The following ADAM12 variants were observed in gnomAD, a reference collection of about 807,000 sequenced individuals.
ADAM12 encodes ADAM metallopeptidase domain 12, also known as disintegrin and metalloproteinase domain-containing protein 12.
ADAM12 carries 70 observed loss-of-function variants against 106.4 expected under a neutral mutation model. That is an observed-to-expected ratio of 0.66 (90% CI 0.54 to 0.80). The LOEUF (loss-of-function observed/expected upper bound fraction) is 0.80. Ranked by LOEUF, ADAM12 falls within the 30% of genes least tolerant of loss-of-function variation. ADAM12 has a pLI of 0.00. For synonymous variants in ADAM12, 420 were observed against 433.5 expected (o/e 0.97, Z 0.39); for missense variants, 1,010 against 1,171.9 (o/e 0.86, Z 2.02).
At chr10:126,301,569 A>G (rs1235825802) in intron 2 of ADAM12, among the ~76,000 whole-genome samples, 1 of 152,166 alleles carries the variant, frequency 6.6e-6, no homozygotes. Flanking sequence ...CTAAATGAGG[A>G]ACATGGGGTA....
rs557852564 is a variant in ADAM12, at chr10:126,345,337, C to T, written c.89-14828G>A. 3.9e-5 allele frequency among the ~76,000 whole-genome samples: 6 copies of T among 152,144 alleles called. No individual in the cohort carries two copies. The South Asian group carries it at 6.2e-4, about 16-fold the overall frequency. On this transcript the variant is annotated intron_variant, in intron 1 of 22. Transcript: ENST00000448723. ...ATGCTGGATTACATTTATTGATTTG[C>T]GTATGTTGAACCAGCCTTGCATCCC...
intron 3 of ADAM12, among the ~76,000 whole-genome samples, chr10:126,233,623 G>A (rs537854075): frequency 5.3e-5 from 8 of 152,288 alleles, no homozygotes; most frequent in Admixed American, 5.2e-4. Context: ...GCAGGAGATA[G>A]GAGGATTGAG....
At chr10:126,336,015 T>C (rs1048334126) in intron 1 of ADAM12, among the ~76,000 whole-genome samples, 2 of 152,084 alleles carry the variant, frequency 1.3e-5, no homozygotes, top group Non-Finnish European at 2.9e-5. Flanking sequence ...AAGATGAACC[T>C]AAGGAGACAG....
chr10:126,093,198 C>G (rs1590398641), intron 11 of ADAM12, among the ~76,000 whole-genome samples: 1 of 152,296 alleles, frequency 6.6e-6, no homozygotes, highest in East Asian at 1.9e-4. Context: ...CTTCCCGTTA[C>G]TAATGAGAAT....
intron 1 of ADAM12, among the ~76,000 whole-genome samples, chr10:126,374,799 G>A: frequency 6.6e-6 from 1 of 152,156 alleles, no homozygotes; most frequent in East Asian, 1.9e-4. Flanking sequence ...AGAGATGCTT[G>A]CTACATTTTT....
intron 3 of ADAM12, among the ~76,000 whole-genome samples, chr10:126,185,256 A>G (rs1565123046): frequency 6.6e-6 from 1 of 152,232 alleles, no homozygotes; most frequent in South Asian, 2.1e-4. Flanking sequence ...TCTTTCAAAC[A>G]TATTTTCATT....
intron 3 of ADAM12, among the ~76,000 whole-genome samples, chr10:126,160,897 C>G (rs192981685): frequency 1.3e-5 from 2 of 152,204 alleles, no homozygotes; most frequent in African/African-American, 4.8e-5. Context: ...GGCCATTGCA[C>G]CTGCTGTGCC....
intron 2 of ADAM12, among the ~76,000 whole-genome samples, chr10:126,322,751 G>A (rs1220520423): frequency 3.6e-4 from 55 of 152,206 alleles, no homozygotes; most frequent in Non-Finnish European, 4.4e-5. Flanking sequence ...ACACAGCAAG[G>A]CAGAGGGAGT....
chr10:126,109,944 C>A (rs1311026306), intron 6 of ADAM12, 104 bp from the exon 7 acceptor site: 3 of 1,070,932 alleles, frequency 2.8e-6, no homozygotes, highest in Non-Finnish European at 4.0e-6. Flanking sequence ...TGTATATCCC[C>A]CATCCCCGCC....
rs146091569 is a variant in ADAM12 at position 126,309,433 on chromosome 10, G to A, written c.186+20979C>T. 3.8e-3 allele frequency among the ~76,000 whole-genome samples: 574 copies of A among 152,276 alleles called. 5 individuals carry two copies. The highest frequency in any genetic ancestry group is 6.7e-3 in the Non-Finnish European group (454 of 68,024). On this transcript the variant is annotated intron_variant, in intron 2 of 22. Transcript: ENST00000448723. ...AAAATGCCCCTGGACTTTGGGTATT[G>A]TAAACAGAAAACAAATTCCAATGTA...
At chr10:126,274,330 C>G (rs12764052) in intron 3 of ADAM12, among the ~76,000 whole-genome samples, 35,239 of 151,998 alleles carry the variant, frequency 0.23, 4,259 homozygotes, top group South Asian at 0.32. Flanking sequence ...AATGACCTCC[C>G]CTGCCTAGGA....
intron 3 of ADAM12, among the ~76,000 whole-genome samples, chr10:126,171,308 A>C (rs546268917): frequency 6.6e-6 from 1 of 152,298 alleles, no homozygotes; most frequent in Non-Finnish European, 1.5e-5. Flanking sequence ...ACACGACAAA[A>C]TATTACCCTG....
At chr10:126,190,061 A>G (rs1286861029) in intron 3 of ADAM12, among the ~76,000 whole-genome samples, 1 of 152,070 alleles carries the variant, frequency 6.6e-6, no homozygotes. Context: ...TGCAGCCTCG[A>G]TGGCAGGCAG....
chr10:126,238,499 TTTAA>T (rs902756938), intron 3 of ADAM12, among the ~76,000 whole-genome samples: 3 of 152,210 alleles, frequency 2.0e-5, no homozygotes, highest in Non-Finnish European at 2.9e-5. Flanking sequence ...ACAAACAAAA[TTTAA>T]TTAATTAATT....
chr10:126,387,682 T>C (rs572730947), intron 1 of ADAM12, among the ~76,000 whole-genome samples: 84 of 151,998 alleles, frequency 5.5e-4, no homozygotes, highest in African/African-American at 1.9e-3. Context: ...GGGGTGGGGA[T>C]ATTCACTGCG....
At chr10:126,143,169 T>C (rs1007566732) in intron 4 of ADAM12, among the ~76,000 whole-genome samples, 4 of 151,280 alleles carry the variant, frequency 2.6e-5, no homozygotes, top group African/African-American at 9.7e-5. Flanking sequence ...TGTATATATA[T>C]GTATGTGTGT....
At chr10:126,174,853 C>T (rs1018688888) in intron 3 of ADAM12, among the ~76,000 whole-genome samples, 17 of 151,398 alleles carry the variant, frequency 1.1e-4, no homozygotes, top group Admixed American at 7.2e-4. Flanking sequence ...TCCGGGTTCA[C>T]GCCATTCTCC....
chr10:126,257,644 C>T (rs11598454), intron 3 of ADAM12, among the ~76,000 whole-genome samples: 44,405 of 152,078 alleles, frequency 0.29, 6,771 homozygotes, highest in South Asian at 0.44. Flanking sequence ...AAATTTACAT[C>T]GCAGATAAAA....
At chr10:126,195,467 C>T (rs552058086) in intron 3 of ADAM12, among the ~76,000 whole-genome samples, 23 of 152,072 alleles carry the variant, frequency 1.5e-4, no homozygotes, top group South Asian at 1.0e-3. Flanking sequence ...CCCAGCTACT[C>T]GGGAAGTTGA....
Sources: allele counts gnomAD v4.1 joint callset (sites outside exome capture counted in the v4.1 genomes callset), GRCh38; gene constraint gnomAD v4.1.1; transcripts MANE v1.5; gene names NCBI Gene and HGNC (gene_info 2026-07-23, HGNC 2026-07-21).